ADAMTSL1: variants seen among roughly 807,000 people sequenced by gnomAD.
ADAMTSL1 encodes ADAMTS-like protein 1.
In ADAMTSL1, 126 loss-of-function variants were observed where a neutral mutation model predicts 201.8. The ratio of observed to expected loss-of-function variants is 0.62; its 90% CI spans 0.54 to 0.72. ADAMTSL1 has a LOEUF of 0.72. ADAMTSL1 is among the 30% of genes least tolerant of loss of function. ADAMTSL1 has a pLI of 0.00. For missense variants in ADAMTSL1, 2,679 were observed against 2,277.8 expected, an observed-to-expected ratio of 1.18 and a Z score of -3.59; for synonymous variants, 1,121 against 903.4, an observed-to-expected ratio of 1.24 and a Z score of -4.32.
intron 8 of ADAMTSL1, among the ~76,000 whole-genome samples, chr9:18,660,874 C>A (rs1330951620): frequency 6.6e-6 from 1 of 151,936 alleles, no homozygotes; most frequent in African/African-American, 2.4e-5. Context: ...CAGCCTTAAG[C>A]CAGGAAATCT....
intron 23 of ADAMTSL1, among the ~76,000 whole-genome samples, chr9:18,855,801 C>T (rs879506368): frequency 3.9e-5 from 6 of 152,186 alleles, no homozygotes; most frequent in Non-Finnish European, 7.3e-5. Context: ...TCATTCAACG[C>T]CCTGTCTAGA....
chr9:18,050,860 G>A (rs1031468311), intron 1 of ADAMTSL1, among the ~76,000 whole-genome samples: 1 of 152,158 alleles, frequency 6.6e-6, no homozygotes, highest in African/African-American at 2.4e-5. Context: ...GGTAAAAAAA[G>A]GAAATCCTTT....
intron 1 of ADAMTSL1, among the ~76,000 whole-genome samples, chr9:17,961,083 G>A (rs1242450133): frequency 6.6e-6 from 1 of 152,076 alleles, no homozygotes; most frequent in East Asian, 1.9e-4. Context: ...GAAGTTTTGA[G>A]GCAGGTTAGC....
chr9:18,080,480 T>C (rs546644867), intron 1 of ADAMTSL1, among the ~76,000 whole-genome samples: 3 of 152,288 alleles, frequency 2.0e-5, no homozygotes, highest in East Asian at 3.9e-4. Flanking sequence ...GAGAAAAAGG[T>C]ACTTGTGCTA....
chr9:18,169,244 T>A (rs10963489), intron 2 of ADAMTSL1, among the ~76,000 whole-genome samples: 1 of 151,344 alleles, frequency 6.6e-6, no homozygotes, highest in African/African-American at 2.4e-5. Flanking sequence ...TCTTCTAGGG[T>A]TTTTATGGTT....
At chr9:17,921,396 A>G (rs926935907) in intron 1 of ADAMTSL1, among the ~76,000 whole-genome samples, 6 of 152,048 alleles carry the variant, frequency 3.9e-5, no homozygotes, top group Non-Finnish European at 7.4e-5. Context: ...CCAGTTTTCC[A>G]TATTCCAAAA....
At chr9:18,718,675 G>A (rs1193991756) in intron 14 of ADAMTSL1, 2 of 348,256 alleles carry the variant, frequency 5.7e-6, no homozygotes, top group Non-Finnish European at 1.1e-5. Flanking sequence ...CTGACTCTGG[G>A]CGAGGTTTGG....
chr9:18,342,105 C>G (rs1197338397), intron 2 of ADAMTSL1, among the ~76,000 whole-genome samples: 1 of 152,074 alleles, frequency 6.6e-6, no homozygotes, highest in Non-Finnish European at 1.5e-5. Flanking sequence ...CTGCCTCAAG[C>G]CCGATCTTAC....
At chr9:18,282,125 G>T (rs1005258868) in intron 2 of ADAMTSL1, among the ~76,000 whole-genome samples, 6 of 152,042 alleles carry the variant, frequency 3.9e-5, no homozygotes, top group Admixed American at 6.5e-5. Flanking sequence ...AGATTTCCCA[G>T]TGTCTCTTAT....
chr9:18,895,195 A>C (rs1425687839), intron 26 of ADAMTSL1, among the ~76,000 whole-genome samples: 1 of 152,192 alleles, frequency 6.6e-6, no homozygotes, highest in Non-Finnish European at 1.5e-5. Context: ...TTACTCCTTC[A>C]AGAATTCCCA....
intron 2 of ADAMTSL1, among the ~76,000 whole-genome samples, chr9:18,278,061 C>T (rs1248869487): frequency 6.6e-6 from 1 of 152,038 alleles, no homozygotes; most frequent in Non-Finnish European, 1.5e-5. Context: ...AATTATTCTT[C>T]CCCTACATTT....
chr9:17,934,725 C>T (rs142189962), intron 1 of ADAMTSL1, among the ~76,000 whole-genome samples: 1,548 of 152,100 alleles, frequency 0.01, 16 homozygotes, highest in Non-Finnish European at 0.015. Flanking sequence ...CAAATTTTCC[C>T]CACCTACCTG....
intron 15 of ADAMTSL1, among the ~76,000 whole-genome samples, chr9:18,749,472 A>C (rs1255458527): frequency 2.0e-5 from 3 of 152,150 alleles, no homozygotes; most frequent in Admixed American, 6.5e-5. Flanking sequence ...TCTGATGCCT[A>C]GACCAGATCC....
At chr9:17,936,124 T>A (rs1476658312) in intron 1 of ADAMTSL1, among the ~76,000 whole-genome samples, 1 of 152,216 alleles carries the variant, frequency 6.6e-6, no homozygotes, top group Non-Finnish European at 1.5e-5. Flanking sequence ...CTCTCATTTC[T>A]GCTCCCCTGA....
intron 1 of ADAMTSL1, among the ~76,000 whole-genome samples, chr9:18,053,924 A>C (rs993837814): frequency 1.3e-5 from 2 of 151,754 alleles, no homozygotes; most frequent in Admixed American, 6.6e-5. Flanking sequence ...TGCACCTTTC[A>C]CTGTGTAGGA....
At chr9:17,977,830 C>G (rs1486830759) in intron 1 of ADAMTSL1, among the ~76,000 whole-genome samples, 2 of 152,046 alleles carry the variant, frequency 1.3e-5, no homozygotes, top group Non-Finnish European at 2.9e-5. Context: ...CTATATTAAT[C>G]TGTTAGGTCT....
chr9:18,243,495 C>T (rs55924836), intron 2 of ADAMTSL1, among the ~76,000 whole-genome samples: 10 of 151,742 alleles, frequency 6.6e-5, no homozygotes, highest in Non-Finnish European at 1.0e-4. Context: ...TTTGAAATAA[C>T]GAATGTCTTT....
intron 2 of ADAMTSL1, among the ~76,000 whole-genome samples, chr9:18,438,602 G>T (rs1288209607): frequency 1.3e-5 from 2 of 152,102 alleles, no homozygotes; most frequent in African/African-American, 4.8e-5. Context: ...TCTTGCATTC[G>T]CTTTCTTCTC....
chr9:18,554,414 G>A (rs947197568), intron 3 of ADAMTSL1, among the ~76,000 whole-genome samples: 1 of 151,648 alleles, frequency 6.6e-6, no homozygotes, highest in African/African-American at 2.4e-5. Context: ...GGAGTTCCTT[G>A]TAATCTGGTT....
Sources: allele counts gnomAD v4.1 joint callset (sites outside exome capture counted in the v4.1 genomes callset), GRCh38; gene constraint gnomAD v4.1.1; transcripts MANE v1.5; gene names NCBI Gene and HGNC (gene_info 2026-07-23, HGNC 2026-07-21).